EFHD1: variants seen among roughly 807,000 people sequenced by gnomAD.
EFHD1 encodes EF-hand domain-containing protein D1.
EFHD1 carries 10 observed loss-of-function variants against 17.2 expected under a neutral mutation model. The ratio of observed to expected loss-of-function variants is 0.58; its 90% CI spans 0.36 to 0.99. EFHD1 has a LOEUF of 0.99. Ranked by LOEUF, EFHD1 falls within the 50% of genes least tolerant of loss-of-function variation. The probability of loss-of-function intolerance (pLI) is 0.01; values close to 1 mark genes in which losing one functional copy is unlikely to be tolerated. For synonymous variants in EFHD1, 153 were observed against 142.0 expected (o/e 1.08, Z -0.55); for missense variants, 310 against 327.5 (o/e 0.95, Z 0.41).
chr2:232,607,935 T>A (rs1044001999), intron 1 of EFHD1, among the ~76,000 whole-genome samples: 2 of 151,248 alleles, frequency 1.3e-5, no homozygotes, highest in African/African-American at 4.9e-5. Context: ...CTCTATTTTT[T>A]TTAATTAATT....
chr2:232,640,421 A>G (rs992994957), intron 1 of EFHD1, among the ~76,000 whole-genome samples: 3 of 152,128 alleles, frequency 2.0e-5, no homozygotes, highest in African/African-American at 4.8e-5. Context: ...AGCACTGTCC[A>G]TATGTCTGCT....
At chr2:232,631,493 T>C (rs1038677873), upstream of EFHD1, among the ~76,000 whole-genome samples, 3 of 151,354 alleles carry the variant, frequency 2.0e-5, no homozygotes, top group African/African-American at 7.3e-5. Flanking sequence ...TATCTTTTTT[T>C]GTACACAAGG....
upstream of EFHD1, among the ~76,000 whole-genome samples, chr2:232,629,948 TTTTGTTTGTTTG>T (rs146596863): frequency 1.3e-5 from 2 of 151,764 alleles, no homozygotes; most frequent in South Asian, 2.1e-4. Context: ...CAAGCATGTT[TTTTGTTTGTTTG>T]TTTGTTTGTT....
At chr2:232,675,090 T>G (rs1170597715) in intron 3 of EFHD1, among the ~76,000 whole-genome samples, 2 of 151,366 alleles carry the variant, frequency 1.3e-5, no homozygotes, top group Non-Finnish European at 2.9e-5. Context: ...GCAGGAGAAT[T>G]GCTTGAACCC....
chr2:232,643,204 A>C (rs1694464663), intron 1 of EFHD1, among the ~76,000 whole-genome samples: 1 of 151,706 alleles, frequency 6.6e-6, no homozygotes, highest in African/African-American at 2.4e-5. Flanking sequence ...AAAAAAAAAG[A>C]AAAAATAAAC....
chr2:232,626,219 C>T (rs1694101757), intron 1 of EFHD1, among the ~76,000 whole-genome samples: 1 of 151,506 alleles, frequency 6.6e-6, no homozygotes, highest in South Asian at 2.1e-4. Flanking sequence ...ATATATATAT[C>T]CTTGATGAAG....
In EFHD1 at chr2:232,671,914, G is replaced by A. The variant is rs148323589; in HGVS notation, c.451-395G>A. 1.3e-3 allele frequency among the ~76,000 whole-genome samples: 197 copies of A among 151,052 alleles called. 1 individual carries two copies. The highest frequency in any genetic ancestry group is 2.3e-3 in the Non-Finnish European group (153 of 67,824). On this transcript the variant is annotated intron_variant, in intron 2 of 3. Coordinates refer to ENST00000264059, the MANE Select transcript of EFHD1 (RefSeq NM_025202.4). ...CCTACTAAAAATATAAAAATTAGCC[G>A]CGCATGGTGGCACACACCTGTAATC...
chr2:232,640,607 G>A (rs1354690478), intron 1 of EFHD1, among the ~76,000 whole-genome samples: 1 of 152,190 alleles, frequency 6.6e-6, no homozygotes, highest in Non-Finnish European at 1.5e-5. Flanking sequence ...CTTGGCCCTT[G>A]AGAAGCTCAA....
chr2:232,668,391 A>T (rs895266963), intron 2 of EFHD1, among the ~76,000 whole-genome samples: 1 of 152,076 alleles, frequency 6.6e-6, no homozygotes, highest in Non-Finnish European at 1.5e-5. Flanking sequence ...CAGTGAGTGG[A>T]TACGTCTGGA....
At chr2:232,677,207 T>TACACACACACACACACACAC (rs61607311) in intron 3 of EFHD1, among the ~76,000 whole-genome samples, 3 of 131,266 alleles carry the variant, frequency 2.3e-5, no homozygotes, top group African/African-American at 9.1e-5. Flanking sequence ...ACCCCATCTC[T>TACACACACACACACACACAC]ACACACACAC....
Position 232,633,869 on chromosome 2 carries a change from G to C in EFHD1, c.165G>C (p.Leu55=). ...CCACGGCCAGCGCCGACGCGGAGCTGAGCGCCCAGCTGAGCCGGCGGCTGG... is the reference window on the plus strand; with the variant it reads ...CCACGGCCAGCGCCGACGCGGAGCTCAGCGCCCAGCTGAGCCGGCGGCTGG... The part of the protein sequence containing the change: ...RAPTASADAE[L]SAQLSRRLDI... The change falls in exon 1 of 4, where the codon CTG becomes CTC. Residue 55 remains leucine (L), a synonymous_variant. Coordinates refer to ENST00000264059, the MANE Select transcript of EFHD1 (RefSeq NM_025202.4). The C allele has an allele frequency of 2.0e-6, 3 of 1,526,302 alleles. No homozygotes were observed. The highest frequency in any genetic ancestry group is 2.6e-6 in the Non-Finnish European group (3 of 1,146,200). 94.5% of individuals were successfully genotyped at this position (1,526,302 alleles called of 1,614,324 possible).
chr2:232,607,085 G>A (rs977121468), intron 1 of EFHD1, among the ~76,000 whole-genome samples: 1 of 151,224 alleles, frequency 6.6e-6, no homozygotes, highest in Admixed American at 6.6e-5. Flanking sequence ...TCCACCTCCC[G>A]GGCTAAAGCG....
intron 1 of EFHD1, among the ~76,000 whole-genome samples, chr2:232,624,819 G>A (rs871688): frequency 0.35 from 53,925 of 151,930 alleles, 10,518 homozygotes; most frequent in East Asian, 0.79. Context: ...AAAAGGAGGA[G>A]CTCCACGCTT....
At chr2:232,637,132 A>G (rs533474176) in intron 1 of EFHD1, among the ~76,000 whole-genome samples, 18 of 152,308 alleles carry the variant, frequency 1.2e-4, no homozygotes, top group Middle Eastern at 3.4e-3. Flanking sequence ...TCTGGAAATC[A>G]GAAGTCTGAC....
intron 2 of EFHD1, among the ~76,000 whole-genome samples, chr2:232,665,702 G>A (rs953414806): frequency 1.1e-4 from 16 of 152,292 alleles, no homozygotes; most frequent in African/African-American, 2.6e-4. Context: ...GAATATAGGC[G>A]TGAGCCACTG....
At chr2:232,654,005 G>A (rs757691697) in intron 1 of EFHD1, among the ~76,000 whole-genome samples, 10 of 151,974 alleles carry the variant, frequency 6.6e-5, no homozygotes, top group Non-Finnish European at 8.8e-5. Context: ...TCAGGAGTTC[G>A]AGACCAGCCT....
At chr2:232,636,451 T>G (rs773330295) in intron 1 of EFHD1, among the ~76,000 whole-genome samples, 17 of 152,342 alleles carry the variant, frequency 1.1e-4, no homozygotes, top group Middle Eastern at 3.4e-3. Flanking sequence ...TGCATTTAGC[T>G]CCATGTTTCA....
At chr2:232,643,045 C>A (rs1004025015) in intron 1 of EFHD1, among the ~76,000 whole-genome samples, 1 of 152,220 alleles carries the variant, frequency 6.6e-6, no homozygotes, top group African/African-American at 2.4e-5. Flanking sequence ...GTTCCGTCCT[C>A]TGCCCTCTGC....
chr2:232,656,189 T>C (rs1260071410), intron 1 of EFHD1, among the ~76,000 whole-genome samples: 2 of 152,104 alleles, frequency 1.3e-5, no homozygotes, highest in Non-Finnish European at 2.9e-5. Flanking sequence ...GAGGTCTGTG[T>C]GGAGTGGGGC....
Sources: allele counts gnomAD v4.1 joint callset (sites outside exome capture counted in the v4.1 genomes callset), GRCh38; gene constraint gnomAD v4.1.1; transcripts MANE v1.5; gene names NCBI Gene and HGNC (gene_info 2026-07-23, HGNC 2026-07-21).